PRKAR1B: variants seen among roughly 807,000 people sequenced by gnomAD.
PRKAR1B encodes cAMP-dependent protein kinase type I-beta regulatory subunit.
A neutral mutation model predicts 46.5 loss-of-function variants in PRKAR1B; 22 were observed. The ratio of observed to expected loss-of-function variants is 0.47; its 90% CI spans 0.34 to 0.68. The LOEUF is 0.68. PRKAR1B is among the 30% of genes least tolerant of loss of function. PRKAR1B has a pLI of 0.01. For missense variants in PRKAR1B, 445 were observed against 535.6 expected, an observed-to-expected ratio of 0.83 and a Z score of 1.67; for synonymous variants, 259 against 217.7, an observed-to-expected ratio of 1.19 and a Z score of -1.67.
At chr7:591,419 G>A (rs1236440676) in intron 7 of PRKAR1B, among the ~76,000 whole-genome samples, 1 of 151,958 alleles carries the variant, frequency 6.6e-6, no homozygotes, top group Non-Finnish European at 1.5e-5. Context: ...GAGGGCGGGG[G>A]CGCTAGAAGT....
intron 2 of PRKAR1B, among the ~76,000 whole-genome samples, chr7:698,449 C>T (rs1240787062): frequency 6.6e-6 from 1 of 151,472 alleles, no homozygotes; most frequent in Admixed American, 6.6e-5. Flanking sequence ...TAGGTAAGTA[C>T]GTGTGCGTGT....
intron 9 of PRKAR1B, among the ~76,000 whole-genome samples, chr7:561,076 GCA>G (rs756071001): frequency 4.6e-5 from 7 of 151,588 alleles, no homozygotes; most frequent in Non-Finnish European, 8.8e-5. Flanking sequence ...AAACACCTGC[GCA>G]CACACACACT....
intron 2 of PRKAR1B, among the ~76,000 whole-genome samples, chr7:700,526 A>G (rs78211817): frequency 0.042 from 6,421 of 152,278 alleles, 423 homozygotes; most frequent in African/African-American, 0.13. Flanking sequence ...AAGACAACCC[A>G]TGGCTGACAA....
At position 550,605 on chromosome 7, in the gene PRKAR1B, G is replaced by A. The variant is rs1358433747; in HGVS notation, c.974-3C>T. ...GTTCAGCAGCAGTGCAATCTCCCCT[G>A]GGGGTTGAAGAGAGAGGTCAGGGCT... On this transcript the variant is annotated splice_region_variant and splice_polypyrimidine_tract_variant and intron_variant, in intron 10 of 10. Transcript: ENST00000537384. 1 of 1,554,370 alleles carries A rather than the reference G, an allele frequency of 6.4e-7. No individual in the cohort carries two copies. The highest frequency in any genetic ancestry group is 2.0e-5 in the Admixed American group (1 of 50,130).
At chr7:648,944 G>A (rs1784757110) in intron 4 of PRKAR1B, among the ~76,000 whole-genome samples, 1 of 152,078 alleles carries the variant, frequency 6.6e-6, no homozygotes, top group South Asian at 2.1e-4. Context: ...CAGGTGGATC[G>A]CCTGAGGTCA....
chr7:605,937 C>A (rs1782015238), intron 6 of PRKAR1B, among the ~76,000 whole-genome samples: 1 of 152,204 alleles, frequency 6.6e-6, no homozygotes, highest in Non-Finnish European at 1.5e-5. Context: ...AGCCCGGGGG[C>A]AAGCGGAAGA....
At chr7:680,813 G>A in intron 2 of PRKAR1B, 87 bp from the exon 3 acceptor site, 2 of 1,471,570 alleles carry the variant, frequency 1.4e-6, no homozygotes, top group East Asian at 2.3e-5. Context: ...TCCCAGCACT[G>A]TGGGAGGACT....
intron 6 of PRKAR1B, among the ~76,000 whole-genome samples, chr7:604,098 GC>G (rs1781845690): frequency 6.6e-6 from 1 of 152,182 alleles, no homozygotes; most frequent in African/African-American, 2.4e-5. Flanking sequence ...TCTGCTGGGG[GC>G]TGAGCCCCAT....
intron 4 of PRKAR1B, among the ~76,000 whole-genome samples, chr7:610,063 A>G (rs1178280243): frequency 6.6e-6 from 1 of 152,148 alleles, no homozygotes; most frequent in Non-Finnish European, 1.5e-5. Context: ...TCTCTATATG[A>G]AAACCCTCGC....
At chr7:558,377 A>G (rs72503881) in intron 9 of PRKAR1B, among the ~76,000 whole-genome samples, 14,645 of 150,338 alleles carry the variant, frequency 0.097, 801 homozygotes, top group East Asian at 0.24. Flanking sequence ...GGAGGAGGAG[A>G]AGAAGAAATA....
At chr7:613,351 C>A (rs1038792847) in intron 4 of PRKAR1B, among the ~76,000 whole-genome samples, 1 of 151,244 alleles carries the variant, frequency 6.6e-6, no homozygotes, top group African/African-American at 2.4e-5. Flanking sequence ...GGAGAAAACA[C>A]GACACGTACG....
intron 4 of PRKAR1B, among the ~76,000 whole-genome samples, chr7:642,597 C>T (rs1247286783): frequency 6.6e-6 from 1 of 150,856 alleles, no homozygotes; most frequent in Non-Finnish European, 1.5e-5. Flanking sequence ...TAGTGGCGGG[C>T]GCCTGTAGTC....
intron 1 of PRKAR1B, chr7:726,943 C>A: frequency 1.5e-6 from 2 of 1,336,808 alleles, no homozygotes; most frequent in Non-Finnish European, 9.6e-7. Context: ...CCCCTGGGCG[C>A]GCCTACTGCT....
chr7:611,621 G>A (rs1158084123), intron 4 of PRKAR1B, among the ~76,000 whole-genome samples: 1 of 152,248 alleles, frequency 6.6e-6, no homozygotes, highest in African/African-American at 2.4e-5. Context: ...GCTCTCAGAT[G>A]GAGACCACAT....
intron 7 of PRKAR1B, among the ~76,000 whole-genome samples, chr7:595,161 G>C (rs1781201330): frequency 6.6e-6 from 1 of 152,174 alleles, no homozygotes; most frequent in South Asian, 2.1e-4. Context: ...CACGCGGGAA[G>C]GCCTCCTCAT....
At chr7:599,302 CT>C (rs766317605) in intron 6 of PRKAR1B, among the ~76,000 whole-genome samples, 175 of 138,544 alleles carry the variant, frequency 1.3e-3, no homozygotes, top group Middle Eastern at 3.8e-3. Context: ...TGTTTTCTCT[CT>C]TTTTTTTTTT....
At chr7:575,145 C>T (rs774016307) in intron 9 of PRKAR1B, among the ~76,000 whole-genome samples, 4 of 152,220 alleles carry the variant, frequency 2.6e-5, no homozygotes, top group Admixed American at 6.5e-5. Flanking sequence ...GGTTCTCACT[C>T]GGGGTCTCCC....
At chr7:657,270 T>TGGAC (rs1785258385) in intron 4 of PRKAR1B, among the ~76,000 whole-genome samples, 3 of 87,430 alleles carry the variant, frequency 3.4e-5, no homozygotes, top group Non-Finnish European at 8.4e-5. Flanking sequence ...GACGGACGGA[T>TGGAC]GGATGGATGG....
chr7:627,201 G>C (rs1440379732), intron 4 of PRKAR1B, among the ~76,000 whole-genome samples: 1 of 151,800 alleles, frequency 6.6e-6, no homozygotes, highest in African/African-American at 2.4e-5. Flanking sequence ...CATTGCCCAG[G>C]CTGGTCTCAA....
Sources: gnomAD v4.1 joint callset for allele counts (sites outside exome capture counted in the v4.1 genomes callset) on GRCh38, gnomAD v4.1.1 for gene constraint, MANE v1.5 for transcripts, NCBI Gene and HGNC (gene_info 2026-07-23, HGNC 2026-07-21) for gene names.